Variants in CACNA2D2 observed in about 807,000 individuals in gnomAD.
CACNA2D2 encodes voltage-dependent calcium channel subunit alpha-2/delta-2.
In CACNA2D2, 48 loss-of-function variants were observed where a neutral mutation model predicts 166.4. That is an observed-to-expected ratio of 0.29 (90% CI 0.23 to 0.37). The LOEUF is 0.37. Ranked by LOEUF, CACNA2D2 falls within the 10% of genes least tolerant of loss-of-function variation. CACNA2D2 has a pLI of 1.00. For synonymous variants in CACNA2D2, 561 were observed against 573.7 expected, an observed-to-expected ratio of 0.98 and a Z score of 0.32; for missense variants, 1,122 against 1,433.0, an observed-to-expected ratio of 0.78 and a Z score of 3.50.
At position 50,434,796 on chromosome 3, in the gene CACNA2D2, G is replaced by A. The variant is rs562187164; in HGVS notation, c.289-367C>T. ...TAGCAGAGGGGAAGAGTGGGCTGGA[G>A]AGGAGGCAGGAGGTTGAGGCGAGAT... On this transcript the variant is annotated intron_variant, in intron 2 of 37. Coordinates refer to ENST00000424201, the MANE Select transcript of CACNA2D2 (RefSeq NM_006030.4). 6.0e-4 allele frequency among the ~76,000 whole-genome samples: 91 copies of A among 152,342 alleles called. No individual in the cohort carries two copies. The South Asian group carries it at 0.018, about 30-fold the overall frequency.
intron 3 of CACNA2D2, among the ~76,000 whole-genome samples, chr3:50,395,676 C>T (rs1706115215): frequency 6.6e-6 from 1 of 152,244 alleles, no homozygotes; most frequent in Admixed American, 6.5e-5. Context: ...TGGAGGCCGG[C>T]ATTTCCTCCT....
At chr3:50,389,224 G>T (rs184900094) in intron 4 of CACNA2D2, among the ~76,000 whole-genome samples, 7 of 152,326 alleles carry the variant, frequency 4.6e-5, no homozygotes, top group East Asian at 1.9e-4. Context: ...GGCTCCGACC[G>T]AAGCGCATAA....
Position 50,366,167 on chromosome 3 carries a change from A to C in CACNA2D2, c.2710-4T>G, listed in dbSNP as rs1428298435. ...CCTCACTGAAGAACCTGCCCACCTG[A>C]GGATGTCAGGAGAAAGCCATGGTCA... is the stretch of plus-strand genomic sequence containing the variant. On this transcript the variant is annotated splice_polypyrimidine_tract_variant and splice_region_variant and intron_variant, in intron 31 of 37. Coordinates refer to ENST00000424201, the MANE Select transcript of CACNA2D2 (RefSeq NM_006030.4). The surrounding 1 kb of genome is among the most constrained non-coding windows in gnomAD (Gnocchi z 5.9). The C allele has an allele frequency of 3.7e-6, 6 of 1,613,822 alleles. No homozygotes were observed. In the East Asian group the frequency reaches 1.3e-4, roughly 36 times the overall value.
chr3:50,434,285 C>T (rs1175676595), intron 3 of CACNA2D2, 28 bp downstream of exon 3: 1 of 1,523,226 alleles, frequency 6.6e-7, no homozygotes, highest in Non-Finnish European at 9.1e-7. Context: ...CTCAGTGCCG[C>T]CCCCCTGCCC....
At chr3:50,412,483 C>T (rs1046264255) in intron 3 of CACNA2D2, among the ~76,000 whole-genome samples, 4 of 152,360 alleles carry the variant, frequency 2.6e-5, no homozygotes, top group Admixed American at 1.3e-4. Flanking sequence ...TCTGCCTGCA[C>T]AGTCACGTGC....
intron 4 of CACNA2D2, among the ~76,000 whole-genome samples, chr3:50,387,839 C>T (rs1343146650): frequency 6.6e-6 from 1 of 152,202 alleles, no homozygotes; most frequent in Non-Finnish European, 1.5e-5. Context: ...TGCAGTACCC[C>T]TCGACTGAGA....
chr3:50,464,287 G>C (rs1026931742), intron 2 of CACNA2D2, among the ~76,000 whole-genome samples: 1 of 152,260 alleles, frequency 6.6e-6, no homozygotes. Context: ...CAACTAGCTT[G>C]GGACTAGACA....
In CACNA2D2 at chr3:50,364,671, G is replaced by A; in HGVS notation, c.3427C>T (p.Leu1143Phe). The A allele has an allele frequency of 3.9e-6, 6 of 1,525,832 alleles. No homozygotes were observed. Among genetic ancestry groups the A allele is most frequent in the East Asian group, 2.5e-5 (1 of 40,552 alleles). The allele number at this position is 1,525,832 out of a possible 1,614,324, so 94.5% of individuals were successfully genotyped here. The part of the protein sequence containing the change: ...PQVLVHASRR[L>F] The stretch of plus-strand genomic sequence containing the variant: ...GGTGGGGTGGGGCAGGGTGCTCAGA[G>A]GCGGCGAGAGGCGTGGACGAGGACT... The change falls in exon 38 of 38, where the codon CTC (leucine) becomes TTC (phenylalanine). Residue 1143 changes from leucine to phenylalanine, a missense_variant. Leu to Phe is a conservative substitution (Grantham distance 22). Transcript: ENST00000424201.
At chr3:50,423,711 A>C (rs1290969867) in intron 3 of CACNA2D2, among the ~76,000 whole-genome samples, 3 of 152,262 alleles carry the variant, frequency 2.0e-5, no homozygotes. Context: ...CAAGGCACAG[A>C]GTGGGCAAAC....
At chr3:50,459,562 C>T (rs1052506481) in intron 2 of CACNA2D2, among the ~76,000 whole-genome samples, 21 of 152,162 alleles carry the variant, frequency 1.4e-4, no homozygotes, top group Admixed American at 4.6e-4. Flanking sequence ...TCTGGGACTC[C>T]GAAGCCCATC....
chr3:50,365,887 C>G lies in CACNA2D2; in HGVS notation c.2863-25G>C. Reference sequence around the variant, plus strand: ...GCTGCAGTGGAGAGAGGGGCGTGGACTGCCACTGCTGCCCCTCGCCCTAGG... The same window carrying G: ...GCTGCAGTGGAGAGAGGGGCGTGGAGTGCCACTGCTGCCCCTCGCCCTAGG... On this transcript the variant is annotated intron_variant, in intron 32 of 37. Transcript: ENST00000424201. This position sits in a 1 kb window ranked among gnomAD's most constrained non-coding sequence, Gnocchi z 4.5. 6.2e-7 allele frequency: 1 copy of G among 1,612,808 alleles called. No individual in the cohort carries two copies. Among genetic ancestry groups the G allele is most frequent in the African/African-American group, 1.3e-5 (1 of 75,048 alleles).
intron 3 of CACNA2D2, among the ~76,000 whole-genome samples, chr3:50,422,161 T>C (rs1314570269): frequency 6.6e-6 from 1 of 151,992 alleles, no homozygotes; most frequent in Non-Finnish European, 1.5e-5. Context: ...CCTGCAGCCC[T>C]AGCTCTGGCT....
chr3:50,494,617 G>A (rs1009702895), intron 1 of CACNA2D2, among the ~76,000 whole-genome samples: 6 of 152,112 alleles, frequency 3.9e-5, no homozygotes, highest in Non-Finnish European at 7.4e-5. Context: ...TGCCCTTCGA[G>A]TTTGCCAAAG....
chr3:50,396,709 A>T (rs1217932446), intron 3 of CACNA2D2, among the ~76,000 whole-genome samples: 2 of 129,082 alleles, frequency 1.5e-5, no homozygotes, highest in Non-Finnish European at 3.0e-5. Context: ...GAGGCTGTGT[A>T]AAGCCTGACG....
At chr3:50,450,110 C>T (rs887045418) in intron 2 of CACNA2D2, among the ~76,000 whole-genome samples, 1 of 152,204 alleles carries the variant, frequency 6.6e-6, no homozygotes, top group Non-Finnish European at 1.5e-5. Flanking sequence ...TCAGTGGAGA[C>T]TTAGGCCAAC....
intron 6 of CACNA2D2, among the ~76,000 whole-genome samples, chr3:50,381,838 A>C (rs1705332441): frequency 6.6e-6 from 1 of 152,006 alleles, no homozygotes; most frequent in South Asian, 2.1e-4. Context: ...AAGGGCACAC[A>C]CGTTCATGCC....
chr3:50,469,292 C>T (rs570159250), intron 2 of CACNA2D2, among the ~76,000 whole-genome samples: 27 of 152,250 alleles, frequency 1.8e-4, no homozygotes, highest in South Asian at 4.1e-4. Context: ...CCTGGATTTC[C>T]GGCCAAAGAA....
rs746694181 is a variant in CACNA2D2, at chr3:50,377,815, G to A, written c.1480-12C>T. Reference sequence around the variant, plus strand: ...ACCAACCCCAGTCCCTGAAGGGAGAGGAAGATGATGGAGTCACCTGTGGCC... The same window carrying A: ...ACCAACCCCAGTCCCTGAAGGGAGAAGAAGATGATGGAGTCACCTGTGGCC... On this transcript the variant is annotated splice_polypyrimidine_tract_variant and intron_variant, in intron 15 of 37. Transcript: ENST00000424201. 5.6e-6 allele frequency: 9 copies of A among 1,609,672 alleles called. No homozygotes were observed. The highest frequency in any genetic ancestry group is 7.6e-6 in the Non-Finnish European group (9 of 1,177,458).
At chr3:50,373,298 A>G (rs1403965085) in intron 22 of CACNA2D2, among the ~76,000 whole-genome samples, 1 of 150,840 alleles carries the variant, frequency 6.6e-6, no homozygotes, top group Non-Finnish European at 1.5e-5. Context: ...AACTCAAAGG[A>G]GATGAGCCCC....
Sources: gnomAD v4.1 joint callset for allele counts (sites outside exome capture counted in the v4.1 genomes callset) on GRCh38, gnomAD v4.1.1 for gene constraint, Gnocchi (gnomAD v3.1) non-coding constraint, MANE v1.5 for transcripts, NCBI Gene and HGNC (gene_info 2026-07-23, HGNC 2026-07-21) for gene names.